The following CLDN16 variants were observed in gnomAD, a reference collection of about 807,000 sequenced individuals.
The protein encoded by CLDN16 is claudin 16, also known as claudin-16.
In CLDN16, 13 loss-of-function variants were observed where a neutral mutation model predicts 24.6. The ratio of observed to expected loss-of-function variants is 0.53; its 90% CI spans 0.34 to 0.84. CLDN16 has a LOEUF of 0.84. CLDN16 is among the 40% of genes least tolerant of loss of function. CLDN16 has a pLI of 0.01. For synonymous variants in CLDN16, 116 were observed against 106.7 expected (o/e 1.09, Z -0.54); for missense variants, 298 against 292.7 (o/e 1.02, Z -0.13).
chr3:190,304,424 T>C, the CLDN16 span, among the ~76,000 whole-genome samples: 1 of 152,200 alleles, frequency 6.6e-6, no homozygotes. Context: ...AGGTGTCCCG[T>C]AAATATTAAT....
the CLDN16 span, among the ~76,000 whole-genome samples, chr3:190,291,109 C>A: frequency 6.6e-6 from 1 of 152,076 alleles, no homozygotes; most frequent in Non-Finnish European, 1.5e-5. Context: ...TAGAGAAAAA[C>A]AATCTAGGCA....
At chr3:190,395,328 T>C (rs753133693) in intron 1 of CLDN16, among the ~76,000 whole-genome samples, 4 of 152,070 alleles carry the variant, frequency 2.6e-5, no homozygotes, top group Non-Finnish European at 5.9e-5. Flanking sequence ...TTTTCTTTCG[T>C]ATCTTATAAA....
intron 1 of CLDN16, among the ~76,000 whole-genome samples, chr3:190,367,627 T>G (rs6790031): frequency 0.89 from 134,713 of 151,956 alleles, 59,736 homozygotes; most frequent in East Asian, 0.94. Flanking sequence ...TCATTGTTTT[T>G]AAATGGCTTT....
chr3:190,308,231 C>T, the CLDN16 span: 2 of 1,605,560 alleles, frequency 1.2e-6, no homozygotes, highest in Non-Finnish European at 1.7e-6. Context: ...ATCTCAATGT[C>T]CATTTTCGGT....
chr3:190,304,516 G>T, the CLDN16 span, among the ~76,000 whole-genome samples: 1,611 of 152,224 alleles, frequency 0.011, 9 homozygotes, highest in Non-Finnish European at 0.015. Context: ...TGTGCCAACT[G>T]CCAAGGGATT....
At chr3:190,310,321 A>G in the CLDN16 span, 2 of 1,177,968 alleles carry the variant, frequency 1.7e-6, no homozygotes, top group Non-Finnish European at 2.5e-6. Context: ...ACAACCTGTT[A>G]AACCAAAACA....
At chr3:190,293,263 G>T in the CLDN16 span, among the ~76,000 whole-genome samples, 417 of 152,240 alleles carry the variant, frequency 2.7e-3, 1 homozygote, top group Admixed American at 4.5e-3. Context: ...ACTATCACAA[G>T]AACAGTATGG....
chr3:190,308,525 A>G, the CLDN16 span: 1 of 1,281,696 alleles, frequency 7.8e-7, no homozygotes, highest in Middle Eastern at 1.8e-4. Flanking sequence ...ATCAATACTC[A>G]TTGTATTTTT....
chr3:190,382,954 G>A (rs9857018), intron 3 of CLDN16, among the ~76,000 whole-genome samples: 28,190 of 151,998 alleles, frequency 0.19, 3,051 homozygotes, highest in Middle Eastern at 0.29. Flanking sequence ...TGGGCTGCCC[G>A]TAATGAACAC....
the CLDN16 span, chr3:190,310,123 G>T: frequency 6.7e-7 from 1 of 1,498,728 alleles, no homozygotes; most frequent in Non-Finnish European, 9.3e-7. Context: ...ATATAAAAAG[G>T]GCATTTTCTC....
the CLDN16 span, among the ~76,000 whole-genome samples, chr3:190,312,535 A>G: frequency 0.65 from 98,627 of 152,078 alleles, 32,942 homozygotes; most frequent in African/African-American, 0.81. Context: ...TCTTTTCCAC[A>G]TAGTATCTGT....
chr3:190,358,914 C>A (rs1000264955), intron 1 of CLDN16, among the ~76,000 whole-genome samples: 2 of 151,928 alleles, frequency 1.3e-5, no homozygotes, highest in Non-Finnish European at 2.9e-5. Flanking sequence ...GGCCTTATGG[C>A]CTTTCCTTTG....
At chr3:190,409,479 C>CTA (rs201838026) in intron 4 of CLDN16, among the ~76,000 whole-genome samples, 6 of 150,932 alleles carry the variant, frequency 4.0e-5, no homozygotes, top group East Asian at 3.9e-4. Flanking sequence ...TGTGAATTTT[C>CTA]TATATATATA....
rs78336452 is a variant in CLDN16, at chr3:190,353,395, T to C, written n.122-17498T>C. ...GCTTCCAATAGCTTCCCATTGTTTA[T>C]GGCAATGGCTTTCAAAGTCATTTGG... On this transcript the variant is annotated intron_variant and non_coding_transcript_variant, in intron 1 of 4. Coordinates refer to the CLDN16 transcript ENST00000468220. Among the ~76,000 whole-genome samples the C allele has an allele frequency of 9.2e-5, 14 of 152,192 alleles. No homozygotes were observed. The East Asian group carries it at 2.7e-3, about 29-fold the overall frequency.
intron 3 of CLDN16, among the ~76,000 whole-genome samples, chr3:190,405,804 C>G (rs1719082728): frequency 6.6e-6 from 1 of 152,096 alleles, no homozygotes; most frequent in Non-Finnish European, 1.5e-5. Flanking sequence ...GACTAATAAA[C>G]AACATATCAA....
Position 190,408,294 on chromosome 3 carries a change from G to A in CLDN16, c.383-20G>A, listed in dbSNP as rs1195705006. 1.2e-6 allele frequency: 2 copies of A among 1,609,130 alleles called. No homozygotes were observed. The highest frequency in any genetic ancestry group is 1.7e-6 in the Non-Finnish European group (2 of 1,175,596). On this transcript the variant is annotated intron_variant, in intron 3 of 4. Coordinates refer to ENST00000264734, the MANE Select transcript of CLDN16 (RefSeq NM_006580.4). ...CAGAAAATGTCCCCTATTATTTGTAGCATCCTCCCTTTCTTTCAGGTACCC... is the reference window on the plus strand; with the variant it reads ...CAGAAAATGTCCCCTATTATTTGTAACATCCTCCCTTTCTTTCAGGTACCC...
At chr3:190,400,556 A>G (rs1403174726) in intron 1 of CLDN16, among the ~76,000 whole-genome samples, 3 of 152,210 alleles carry the variant, frequency 2.0e-5, no homozygotes, top group African/African-American at 7.2e-5. Flanking sequence ...TAGCTTCCAC[A>G]TATGAGTAAA....
At chr3:190,407,782 C>A (rs1486059793) in intron 3 of CLDN16, among the ~76,000 whole-genome samples, 1 of 152,178 alleles carries the variant, frequency 6.6e-6, no homozygotes, top group Non-Finnish European at 1.5e-5. Flanking sequence ...CCTCAAGACA[C>A]TGAAATCAGT....
chr3:190,363,026 C>T (rs534340693), intron 1 of CLDN16, among the ~76,000 whole-genome samples: 4 of 151,830 alleles, frequency 2.6e-5, no homozygotes, highest in South Asian at 2.1e-4. Context: ...TTTTTTCAAG[C>T]GACTATTTTT....
Sources: allele counts gnomAD v4.1 joint callset (sites outside exome capture counted in the v4.1 genomes callset), GRCh38; gene constraint gnomAD v4.1.1; transcripts MANE v1.5; gene names NCBI Gene and HGNC (gene_info 2026-07-23, HGNC 2026-07-21).